Variants in DLG2 observed in about 807,000 individuals in gnomAD.
DLG2 encodes discs large MAGUK scaffold protein 2.
In DLG2, 45 loss-of-function variants were observed where a neutral mutation model predicts 132.5. The ratio of observed to expected loss-of-function variants is 0.34; its 90% CI spans 0.27 to 0.44. DLG2 has a LOEUF of 0.44. DLG2 is among the 20% of genes least tolerant of loss of function. DLG2 has a pLI of 1.00. For missense variants in DLG2, 1,045 were observed against 1,196.9 expected (o/e 0.87, Z 1.87); for synonymous variants, 424 against 419.6 (o/e 1.01, Z -0.13).
Position 84,576,958 on chromosome 11 carries a change from G to A in DLG2, c.358-42227C>T, listed in dbSNP as rs551116341. 9.2e-5 allele frequency among the ~76,000 whole-genome samples: 14 copies of A among 152,214 alleles called. No homozygotes were observed. The South Asian group carries it at 1.9e-3, about 20-fold the overall frequency. On this transcript the variant is annotated intron_variant, in intron 6 of 27. Coordinates refer to ENST00000376104, the MANE Select transcript of DLG2 (RefSeq NM_001142699.3). ...TTGAATTTTATCTCCCAGAATTCCC[G>A]TGTGTTGTGGGAGGGACTCGGGGAG...
intron 6 of DLG2, chr11:84,923,144 C>A (rs570435058): frequency 3.7e-6 from 6 of 1,613,318 alleles, no homozygotes; most frequent in South Asian, 1.1e-5. Flanking sequence ...GCATATGGAC[C>A]GGTATTCAGC....
intron 11 of DLG2, 94 bp from the exon 12 acceptor site, chr11:83,980,736 A>T (rs2092702442): frequency 1.6e-6 from 2 of 1,242,804 alleles, no homozygotes; most frequent in African/African-American, 1.5e-5. Flanking sequence ...GTTTTTAAAA[A>T]TGAATCCTCA....
intron 3 of DLG2, among the ~76,000 whole-genome samples, chr11:85,433,480 C>T (rs892747501): frequency 6.6e-6 from 1 of 152,052 alleles, no homozygotes; most frequent in Non-Finnish European, 1.5e-5. Context: ...ATTTACCAAG[C>T]AAATGGAAAG....
chr11:84,141,583 C>T (rs2094847263), intron 9 of DLG2, among the ~76,000 whole-genome samples: 1 of 151,966 alleles, frequency 6.6e-6, no homozygotes. Flanking sequence ...AAATTTAGCC[C>T]TTTAGGGCCT....
chr11:83,985,871 C>A (rs1324420741), intron 11 of DLG2, among the ~76,000 whole-genome samples: 1 of 151,670 alleles, frequency 6.6e-6, no homozygotes, highest in Non-Finnish European at 1.5e-5. Context: ...GGATATATAC[C>A]CAGTGATGGG....
At position 85,158,024 on chromosome 11, in the gene DLG2, A is replaced by C. The variant is rs185174262; in HGVS notation, c.187-3373T>G. On this transcript the variant is annotated intron_variant, in intron 4 of 27. Transcript: ENST00000376104. ...AGGCAAGATAATGTTGATTCTCCTC[A>C]GGAGCCACCCCCAACAGCCCTGTTT... is the stretch of plus-strand genomic sequence containing the variant. Among the ~76,000 whole-genome samples, 65 of 152,224 alleles carry C rather than the reference A, an allele frequency of 4.3e-4. 1 individual carries two copies. In the East Asian group the frequency reaches 0.011, roughly 26 times the overall value.
intron 6 of DLG2, among the ~76,000 whole-genome samples, chr11:84,909,511 A>G (rs1204459637): frequency 6.6e-6 from 1 of 152,194 alleles, no homozygotes; most frequent in African/African-American, 2.4e-5. Flanking sequence ...AATCATGATT[A>G]AAATAAATAA....
At chr11:85,428,573 A>C (rs1159198640) in intron 3 of DLG2, among the ~76,000 whole-genome samples, 2 of 152,218 alleles carry the variant, frequency 1.3e-5, no homozygotes, top group African/African-American at 2.4e-5. Context: ...TGTTCTTTGA[A>C]ACCAATGAGA....
At chr11:83,804,682 G>C (rs920843603) in intron 17 of DLG2, among the ~76,000 whole-genome samples, 17 of 151,230 alleles carry the variant, frequency 1.1e-4, no homozygotes, top group African/African-American at 3.9e-4. Flanking sequence ...ATATCAGCAA[G>C]GCATCTTCCC....
At chr11:85,276,270 T>C (rs1042748762) in intron 4 of DLG2, among the ~76,000 whole-genome samples, 2 of 152,046 alleles carry the variant, frequency 1.3e-5, no homozygotes, top group African/African-American at 4.8e-5. Context: ...TTCCTCTATC[T>C]TTTTTGCCAG....
intron 4 of DLG2, among the ~76,000 whole-genome samples, chr11:85,274,692 T>A (rs1391764366): frequency 1.3e-5 from 2 of 152,186 alleles, no homozygotes; most frequent in African/African-American, 4.8e-5. Context: ...AGGTGGGTCA[T>A]AAAAACACAA....
At chr11:85,154,800 T>C (rs2077485821) in intron 4 of DLG2, 149 bp from the exon 5 acceptor site, 1 of 532,200 alleles carries the variant, frequency 1.9e-6, no homozygotes, top group East Asian at 3.2e-5. Context: ...GAATGTACTA[T>C]CTAACCCATT....
intron 6 of DLG2, among the ~76,000 whole-genome samples, chr11:84,679,103 G>A (rs2099722276): frequency 6.6e-6 from 1 of 151,690 alleles, no homozygotes; most frequent in African/African-American, 2.4e-5. Flanking sequence ...CAATGTATTT[G>A]AAATAAAAAA....
chr11:84,054,777 C>T (rs1199151486), intron 11 of DLG2, among the ~76,000 whole-genome samples: 2 of 152,046 alleles, frequency 1.3e-5, no homozygotes, highest in Non-Finnish European at 2.9e-5. Context: ...CCACAAATCA[C>T]TGTTTCACAG....
chr11:83,988,332 C>T lies in DLG2; in HGVS notation c.920-7690G>A, dbSNP rs565357980. The stretch of plus-strand genomic sequence containing the variant: ...TACAAGGTATAAGGAAGGGATCCAG[C>T]TTCAATTTTCTGCATGTGGCTAGCT... On this transcript the variant is annotated intron_variant, in intron 11 of 27. Coordinates refer to ENST00000376104, the MANE Select transcript of DLG2 (RefSeq NM_001142699.3). Among the ~76,000 whole-genome samples the T allele has an allele frequency of 2.6e-5, 4 of 151,946 alleles. No homozygotes were observed. In the South Asian group the frequency reaches 6.2e-4, roughly 24 times the overall value.
intron 6 of DLG2, among the ~76,000 whole-genome samples, chr11:84,708,455 T>C (rs2060010701): frequency 6.6e-6 from 1 of 151,916 alleles, no homozygotes; most frequent in Non-Finnish European, 1.5e-5. Context: ...AAGACCGTTT[T>C]TGAAATTCAA....
chr11:84,108,865 T>C (rs1239097421), intron 9 of DLG2, among the ~76,000 whole-genome samples: 1 of 152,108 alleles, frequency 6.6e-6, no homozygotes, highest in Non-Finnish European at 1.5e-5. Context: ...ATGGCAATAT[T>C]TGAGGCATAA....
At chr11:84,604,283 T>C (rs975731777) in intron 6 of DLG2, among the ~76,000 whole-genome samples, 4 of 151,778 alleles carry the variant, frequency 2.6e-5, no homozygotes, top group African/African-American at 9.7e-5. Context: ...AAGAATAACA[T>C]GTACAAAACT....
intron 7 of DLG2, among the ~76,000 whole-genome samples, chr11:84,267,316 A>C (rs1197939480): frequency 6.6e-6 from 1 of 152,186 alleles, no homozygotes; most frequent in Non-Finnish European, 1.5e-5. Context: ...AGGAGGGAAA[A>C]GGCATGTCTT....
Sources: allele counts gnomAD v4.1 joint callset (sites outside exome capture counted in the v4.1 genomes callset), GRCh38; gene constraint gnomAD v4.1.1; transcripts MANE v1.5; gene names NCBI Gene and HGNC (gene_info 2026-07-23, HGNC 2026-07-21).